Variants in SYT1 observed in about 807,000 individuals in gnomAD.
The protein encoded by SYT1 is synaptotagmin 1, also known as synaptotagmin-1.
Under a neutral mutation model 44.8 loss-of-function variants are expected in SYT1, and 8 were observed. The ratio of observed to expected loss-of-function variants is 0.18; its 90% CI spans 0.10 to 0.32. The LOEUF is 0.32. SYT1 is among the 10% of genes least tolerant of loss of function. The pLI, the probability that SYT1 is intolerant of heterozygous loss-of-function variation, is 1.00. For synonymous variants in SYT1, 154 were observed against 188.8 expected, an observed-to-expected ratio of 0.82 and a Z score of 1.51; for missense variants, 286 against 509.3, an observed-to-expected ratio of 0.56 and a Z score of 4.22.
At chr12:79,399,661 C>T (rs1419422989) in intron 9 of SYT1, among the ~76,000 whole-genome samples, 1 of 152,130 alleles carries the variant, frequency 6.6e-6, no homozygotes, top group Non-Finnish European at 1.5e-5. Context: ...TTAAAATTCT[C>T]ATGTAGAAGA....
At chr12:79,139,528 T>C (rs1565823295) in intron 3 of SYT1, among the ~76,000 whole-genome samples, 1 of 152,228 alleles carries the variant, frequency 6.6e-6, no homozygotes, top group Non-Finnish European at 1.5e-5. Context: ...TATCTTCCTA[T>C]TGGCCTTGAA....
chr12:79,178,577 C>T (rs915779314), intron 3 of SYT1, among the ~76,000 whole-genome samples: 1 of 151,724 alleles, frequency 6.6e-6, no homozygotes, highest in African/African-American at 2.4e-5. Context: ...TATTTGGAAA[C>T]CTGCATATGC....
intron 1 of SYT1, among the ~76,000 whole-genome samples, chr12:78,891,677 T>C (rs1437522060): frequency 6.6e-6 from 1 of 151,864 alleles, no homozygotes; most frequent in African/African-American, 2.4e-5. Context: ...TCAGAACATG[T>C]AGGATAAAAG....
At chr12:79,052,953 T>A (rs998874580) in intron 3 of SYT1, among the ~76,000 whole-genome samples, 1 of 152,122 alleles carries the variant, frequency 6.6e-6, no homozygotes, top group Non-Finnish European at 1.5e-5. Context: ...GTGTGGTGAT[T>A]CCTCAGGGAT....
intron 3 of SYT1, among the ~76,000 whole-genome samples, chr12:79,181,005 C>T (rs1872508065): frequency 6.6e-6 from 1 of 152,072 alleles, no homozygotes; most frequent in Non-Finnish European, 1.5e-5. Flanking sequence ...CTTCACTCTG[C>T]ATTCTCCTTG....
chr12:79,157,502 C>G (rs1433827287), intron 3 of SYT1, among the ~76,000 whole-genome samples: 1 of 152,174 alleles, frequency 6.6e-6, no homozygotes, highest in Non-Finnish European at 1.5e-5. Flanking sequence ...TTAACTCTGT[C>G]TGTACAAAGA....
intron 4 of SYT1, among the ~76,000 whole-genome samples, chr12:79,226,352 G>A (rs1278713151): frequency 6.6e-6 from 1 of 152,030 alleles, no homozygotes; most frequent in Non-Finnish European, 1.5e-5. Context: ...GCAATCAGCT[G>A]GAAAAAAATT....
chr12:79,336,597 T>C (rs1185622732), intron 8 of SYT1, among the ~76,000 whole-genome samples: 1 of 152,098 alleles, frequency 6.6e-6, no homozygotes, highest in African/African-American at 2.4e-5. Context: ...AGAAGCTGGC[T>C]TTGGCCCCCT....
intron 8 of SYT1, among the ~76,000 whole-genome samples, chr12:79,320,467 T>A (rs550569554): frequency 5.9e-5 from 9 of 152,242 alleles, no homozygotes; most frequent in South Asian, 2.1e-4. Context: ...ATTTTACATA[T>A]AACTTAGCTA....
chr12:79,158,335 G>T (rs1164208411), intron 3 of SYT1, among the ~76,000 whole-genome samples: 2 of 152,056 alleles, frequency 1.3e-5, no homozygotes, highest in Non-Finnish European at 2.9e-5. Flanking sequence ...TCACAATAGG[G>T]TTGGCCCTCC....
chr12:79,425,513 C>A (rs945564021), intron 9 of SYT1, among the ~76,000 whole-genome samples: 1 of 152,064 alleles, frequency 6.6e-6, no homozygotes, highest in Non-Finnish European at 1.5e-5. Flanking sequence ...TCCTTATGCC[C>A]AAAATCACAT....
At chr12:79,112,617 C>A (rs1410365029) in intron 3 of SYT1, among the ~76,000 whole-genome samples, 1 of 152,080 alleles carries the variant, frequency 6.6e-6, no homozygotes, top group African/African-American at 2.4e-5. Context: ...GATAAAGTAG[C>A]ATCACTTAAT....
intron 9 of SYT1, among the ~76,000 whole-genome samples, chr12:79,424,953 C>CTTTTTTTTTTTTTTTTTTTT (rs398040025): frequency 7.0e-5 from 6 of 85,254 alleles, no homozygotes; most frequent in East Asian, 3.4e-4. Flanking sequence ...TTTTCTTCTT[C>CTTTTTTTTTTTTTTTTTTTT]TTTTTTTTTT....
intron 2 of SYT1, among the ~76,000 whole-genome samples, chr12:79,016,252 T>C (rs1871799595): frequency 6.6e-6 from 1 of 152,176 alleles, no homozygotes; most frequent in Non-Finnish European, 1.5e-5. Flanking sequence ...ATCACACCTA[T>C]CTCCAGATAA....
chr12:79,234,570 C>T (rs1876063522), intron 4 of SYT1, among the ~76,000 whole-genome samples: 1 of 152,172 alleles, frequency 6.6e-6, no homozygotes, highest in Admixed American at 6.5e-5. Flanking sequence ...ATTCATCTTG[C>T]ATGTTTCAGT....
rs1435167887 is a variant in SYT1, at chr12:79,117,691, AT to A, written c.-18+70330del. 4.7e-4 allele frequency among the ~76,000 whole-genome samples: 39 copies of A among 83,666 alleles called. 2 individuals carry two copies. Among genetic ancestry groups the A allele is most frequent in the African/African-American group, 1.7e-3 (37 of 21,468 alleles). 54.9% of individuals were successfully genotyped at this position (83,666 alleles called of 152,430 possible). On this transcript the variant is annotated intron_variant, in intron 3 of 10. Transcript: ENST00000261205. ...TATATATATATATATATATATATATATATATATATATATATATATATATAAA... is the reference window on the plus strand; with the variant it reads ...TATATATATATATATATATATATATAATATATATATATATATATATATAAA...
intron 8 of SYT1, among the ~76,000 whole-genome samples, chr12:79,341,903 C>T (rs916316574): frequency 1.3e-5 from 2 of 151,862 alleles, no homozygotes; most frequent in Non-Finnish European, 2.9e-5. Flanking sequence ...CTCCTGACCT[C>T]GTGATCCACC....
intron 3 of SYT1, among the ~76,000 whole-genome samples, chr12:79,146,147 G>A (rs916132891): frequency 6.6e-6 from 1 of 152,174 alleles, no homozygotes; most frequent in Non-Finnish European, 1.5e-5. Flanking sequence ...AGACTTCAAG[G>A]AGTTTTTAAT....
intron 3 of SYT1, 93 bp from the exon 4 acceptor site, chr12:79,217,410 A>C: frequency 1.8e-6 from 2 of 1,119,888 alleles, no homozygotes; most frequent in Non-Finnish European, 2.4e-6. Context: ...AGCAGGTGCC[A>C]CCTCTGATGT....
Sources: allele counts gnomAD v4.1 joint callset (sites outside exome capture counted in the v4.1 genomes callset), GRCh38; gene constraint gnomAD v4.1.1; transcripts MANE v1.5; gene names NCBI Gene and HGNC (gene_info 2026-07-23, HGNC 2026-07-21).